Variants in TLL1 observed in about 807,000 individuals in gnomAD.
TLL1 encodes tolloid-like protein 1.
TLL1 carries 49 observed loss-of-function variants against 128.2 expected under a neutral mutation model. The observed-to-expected ratio is 0.38, with a 90% CI of 0.30 to 0.48. The LOEUF (loss-of-function observed/expected upper bound fraction) is 0.48, where lower values mean the gene tolerates loss of function less well. TLL1 is among the 20% of genes least tolerant of loss of function. The pLI, the probability that TLL1 is intolerant of heterozygous loss-of-function variation, is 0.96. For synonymous variants in TLL1, 454 were observed against 418.8 expected (o/e 1.08, Z -1.03); for missense variants, 1,123 against 1,242.0 (o/e 0.90, Z 1.44).
At chr4:166,087,423 C>T (rs2111153333) in intron 18 of TLL1, among the ~76,000 whole-genome samples, 1 of 152,210 alleles carries the variant, frequency 6.6e-6, no homozygotes, top group East Asian at 1.9e-4. Flanking sequence ...GTTTGTACTC[C>T]ATGACGCCAT....
chr4:165,886,048 A>AT (rs59665511), intron 1 of TLL1, among the ~76,000 whole-genome samples: 81,066 of 151,724 alleles, frequency 0.53, 22,159 homozygotes, highest in East Asian at 0.77. Context: ...CATTTTATGT[A>AT]TTTTTTTGAT....
At chr4:165,991,085 G>A (rs1210951514) in intron 2 of TLL1, among the ~76,000 whole-genome samples, 3 of 151,812 alleles carry the variant, frequency 2.0e-5, no homozygotes, top group Non-Finnish European at 4.4e-5. Flanking sequence ...ATTTTCATTA[G>A]CTCTAAGCTT....
At chr4:166,096,512 T>C (rs1409238620) in intron 19 of TLL1, among the ~76,000 whole-genome samples, 2 of 152,108 alleles carry the variant, frequency 1.3e-5, no homozygotes, top group East Asian at 3.9e-4. Flanking sequence ...TTTAATTTCT[T>C]CAGTTCTTCC....
At chr4:165,989,996 T>C (rs1452715234) in intron 2 of TLL1, among the ~76,000 whole-genome samples, 3 of 151,840 alleles carry the variant, frequency 2.0e-5, no homozygotes, top group African/African-American at 7.2e-5. Flanking sequence ...ATAGGAAATG[T>C]ATTTGAAATT....
chr4:166,034,738 A>G (rs1738920930), intron 9 of TLL1, among the ~76,000 whole-genome samples: 1 of 152,114 alleles, frequency 6.6e-6, no homozygotes, highest in African/African-American at 2.4e-5. Context: ...TGTAGTGGGA[A>G]TTTAGGAAAG....
chr4:166,059,792 G>A (rs943684652), intron 14 of TLL1, among the ~76,000 whole-genome samples: 1 of 151,748 alleles, frequency 6.6e-6, no homozygotes, highest in African/African-American at 2.4e-5. Flanking sequence ...CTAAAATTTA[G>A]TACAGCCATA....
intron 18 of TLL1, among the ~76,000 whole-genome samples, chr4:166,088,954 G>A (rs1741642497): frequency 6.6e-6 from 1 of 152,126 alleles, no homozygotes; most frequent in Non-Finnish European, 1.5e-5. Flanking sequence ...CTGAACATGT[G>A]TGGTCTGTAA....
intron 16 of TLL1, among the ~76,000 whole-genome samples, chr4:166,071,519 G>A (rs553834547): frequency 6.6e-6 from 1 of 151,716 alleles, no homozygotes; most frequent in South Asian, 2.1e-4. Context: ...TCTTCATTTT[G>A]TGTCTAGTGT....
intron 15 of TLL1, among the ~76,000 whole-genome samples, chr4:166,064,712 C>T (rs1480876229): frequency 6.6e-6 from 1 of 151,954 alleles, no homozygotes; most frequent in East Asian, 1.9e-4. Context: ...CATCTTTAGC[C>T]TCGGAAACAG....
At chr4:166,052,965 G>GTGTGTGTGTGTGTGTATATATA in intron 12 of TLL1, among the ~76,000 whole-genome samples, 9 of 99,696 alleles carry the variant, frequency 9.0e-5, no homozygotes, top group African/African-American at 3.0e-4. Context: ...GAGGTTATGT[G>GTGTGTGTGTGTGTGTATATATA]TATATATATA....
intron 1 of TLL1, among the ~76,000 whole-genome samples, chr4:165,925,723 T>C (rs1378579787): frequency 1.3e-5 from 2 of 152,180 alleles, no homozygotes; most frequent in African/African-American, 4.8e-5. Flanking sequence ...CAGAATAGCA[T>C]GATACAGAGA....
chr4:166,073,105 G>A (rs975178489), intron 16 of TLL1, among the ~76,000 whole-genome samples: 6 of 152,040 alleles, frequency 3.9e-5, no homozygotes, highest in African/African-American at 1.2e-4. Context: ...TTCTTAATTG[G>A]TTCTTCCATT....
intron 19 of TLL1, among the ~76,000 whole-genome samples, chr4:166,092,883 T>C (rs1741839133): frequency 6.6e-6 from 1 of 152,158 alleles, no homozygotes; most frequent in Admixed American, 6.6e-5. Flanking sequence ...TTTGAAAAGA[T>C]CATTTCTTCA....
intron 1 of TLL1, among the ~76,000 whole-genome samples, chr4:165,945,488 G>T (rs1028095078): frequency 6.6e-6 from 1 of 152,094 alleles, no homozygotes; most frequent in African/African-American, 2.4e-5. Flanking sequence ...GGCTTTCAGT[G>T]TGATGTATAT....
At chr4:166,033,165 A>G (rs927385034) in intron 9 of TLL1, among the ~76,000 whole-genome samples, 3 of 152,158 alleles carry the variant, frequency 2.0e-5, no homozygotes, top group Non-Finnish European at 4.4e-5. Flanking sequence ...GGTAATTTGT[A>G]TTACACTTTA....
intron 1 of TLL1, among the ~76,000 whole-genome samples, chr4:165,931,484 C>T (rs1344476958): frequency 1.3e-5 from 2 of 151,920 alleles, no homozygotes; most frequent in East Asian, 1.9e-4. Context: ...TTTGGGAGGC[C>T]AAGGCGGGCG....
chr4:165,970,929 A>C, intron 1 of TLL1, among the ~76,000 whole-genome samples: 1 of 152,148 alleles, frequency 6.6e-6, no homozygotes, highest in East Asian at 1.9e-4. Flanking sequence ...CAGGTCATAA[A>C]ATATATATGA....
In TLL1 at chr4:166,086,547, A is replaced by C. The variant is rs181002561; in HGVS notation, c.2443-4581A>C. Among the ~76,000 whole-genome samples the C allele has an allele frequency of 1.0e-3, 159 of 152,230 alleles. 2 individuals are homozygous for C. Among genetic ancestry groups the C allele is most frequent in the Admixed American group, 0.01 (157 of 15,290 alleles). On this transcript the variant is annotated intron_variant, in intron 18 of 20. Transcript: ENST00000061240. ...GGGCTAAAAGGCTGACTCAGCTGGG[A>C]CAACCATAGCACCTACACATGACCG...
chr4:165,999,631 A>G (rs1185420926), intron 5 of TLL1, among the ~76,000 whole-genome samples: 1 of 135,446 alleles, frequency 7.4e-6, no homozygotes, highest in East Asian at 2.4e-4. Flanking sequence ...AAGTCCAGCT[A>G]ATTTTTGTAT....
Sources: allele counts gnomAD v4.1 joint callset (sites outside exome capture counted in the v4.1 genomes callset), GRCh38; gene constraint gnomAD v4.1.1; transcripts MANE v1.5; gene names NCBI Gene and HGNC (gene_info 2026-07-23, HGNC 2026-07-21).